SNTG1: variants seen among roughly 807,000 people sequenced by gnomAD.
The protein encoded by SNTG1 is gamma-1-syntrophin.
In SNTG1, 39 loss-of-function variants were observed where a neutral mutation model predicts 74.7. That is an observed-to-expected ratio of 0.52 (90% CI 0.40 to 0.68). The LOEUF is 0.68. Ranked by LOEUF, SNTG1 falls within the 30% of genes least tolerant of loss-of-function variation. SNTG1 has a pLI of 0.00. For synonymous variants in SNTG1, 254 were observed against 217.1 expected (o/e 1.17, Z -1.49); for missense variants, 685 against 609.5 (o/e 1.12, Z -1.30).
At chr8:50,141,221 T>A (rs1292535771) in intron 1 of SNTG1, among the ~76,000 whole-genome samples, 1 of 152,202 alleles carries the variant, frequency 6.6e-6, no homozygotes, top group East Asian at 1.9e-4. Flanking sequence ...GATTGCCAGA[T>A]CAGATAGTAA....
chr8:50,755,479 T>A (rs1404794241), intron 18 of SNTG1, among the ~76,000 whole-genome samples: 2 of 151,894 alleles, frequency 1.3e-5, no homozygotes, highest in African/African-American at 4.8e-5. Flanking sequence ...TTTCTGAATG[T>A]ACAACAGTTT....
Position 50,764,711 on chromosome 8 carries a change from A to G in SNTG1, c.1395+12600A>G, listed in dbSNP as rs145452793. Among the ~76,000 whole-genome samples the G allele has an allele frequency of 3.8e-3, 584 of 152,086 alleles. 3 individuals are homozygous for G. The highest frequency in any genetic ancestry group is 0.013 in the African/African-American group (543 of 41,534). ...TATACAAGCCACGTTGTAAACTGTGAAGAGCTTTCTCTAAAAACTGAAATA... is the reference window on the plus strand; with the variant it reads ...TATACAAGCCACGTTGTAAACTGTGGAGAGCTTTCTCTAAAAACTGAAATA... On this transcript the variant is annotated intron_variant, in intron 18 of 18. Transcript: ENST00000642720.
At chr8:50,218,918 A>T (rs1008517548) in intron 2 of SNTG1, among the ~76,000 whole-genome samples, 1 of 152,214 alleles carries the variant, frequency 6.6e-6, no homozygotes, top group South Asian at 2.1e-4. Flanking sequence ...AGCCTCCTTG[A>T]TCCTCCATAG....
Position 50,795,693 on chromosome 8 carries a change from T to C in SNTG1, c.*2864T>C, listed in dbSNP as rs187244624. 21 of 152,212 alleles carry C rather than the reference T, an allele frequency of 1.4e-4. No individual in the cohort carries two copies. The highest frequency in any genetic ancestry group is 5.1e-4 in the African/African-American group (21 of 41,568). 9.4% of individuals were successfully genotyped at this position (152,212 alleles called of 1,614,324 possible). ...TCAGAGAATGAAGTTCAAAGTCATT[T>C]GAAAACTGCTAACTACTATAATAAT... On this transcript the variant is annotated 3_prime_UTR_variant, in exon 19 of 19. Coordinates refer to ENST00000642720, the MANE Select transcript of SNTG1 (RefSeq NM_018967.5).
chr8:50,739,356 C>CA (rs1159338219), intron 17 of SNTG1, among the ~76,000 whole-genome samples: 1 of 152,050 alleles, frequency 6.6e-6, no homozygotes, highest in Non-Finnish European at 1.5e-5. Context: ...ATCAAAACCA[C>CA]AATGAGACAC....
At chr8:50,646,605 G>T (rs1274019754) in intron 13 of SNTG1, among the ~76,000 whole-genome samples, 1 of 152,074 alleles carries the variant, frequency 6.6e-6, no homozygotes, top group Non-Finnish European at 1.5e-5. Flanking sequence ...AGGTTATGTT[G>T]ATTCCTTCTT....
At chr8:49,970,459 C>T (rs902525829) in intron 1 of SNTG1, among the ~76,000 whole-genome samples, 6 of 152,202 alleles carry the variant, frequency 3.9e-5, no homozygotes, top group African/African-American at 1.2e-4. Context: ...GTGAACAGTG[C>T]TTCTCTTCCA....
intron 2 of SNTG1, among the ~76,000 whole-genome samples, chr8:50,303,326 G>A (rs547579554): frequency 1.3e-5 from 2 of 152,034 alleles, no homozygotes; most frequent in East Asian, 3.9e-4. Flanking sequence ...TATGATTTTA[G>A]AATGTCCTCA....
At chr8:50,016,966 AG>A (rs1251548987) in intron 1 of SNTG1, among the ~76,000 whole-genome samples, 1 of 152,088 alleles carries the variant, frequency 6.6e-6, no homozygotes, top group Non-Finnish European at 1.5e-5. Context: ...GTGGCAGAAA[AG>A]GGCTGTCAAC....
chr8:49,999,992 A>G (rs1289795650), intron 1 of SNTG1, among the ~76,000 whole-genome samples: 2 of 152,146 alleles, frequency 1.3e-5, no homozygotes, highest in Non-Finnish European at 2.9e-5. Flanking sequence ...GAATAATTGT[A>G]TCTGGTATTG....
intron 4 of SNTG1, among the ~76,000 whole-genome samples, chr8:50,413,561 A>C (rs1563352979): frequency 6.6e-6 from 1 of 152,162 alleles, no homozygotes; most frequent in Non-Finnish European, 1.5e-5. Flanking sequence ...ATCTATCTGA[A>C]GATGTATTTT....
At chr8:50,627,665 C>G (rs190837641) in intron 13 of SNTG1, among the ~76,000 whole-genome samples, 1 of 152,196 alleles carries the variant, frequency 6.6e-6, no homozygotes, top group Non-Finnish European at 1.5e-5. Context: ...GATTAATTTG[C>G]TAGAGCAGCT....
At chr8:50,484,195 T>TCCTG (rs2093768844) in intron 8 of SNTG1, among the ~76,000 whole-genome samples, 1 of 131,248 alleles carries the variant, frequency 7.6e-6, no homozygotes, top group Admixed American at 8.3e-5. Flanking sequence ...CTTCCTTCCT[T>TCCTG]CCTTCCTTCC....
At chr8:50,692,897 A>G (rs1337697431) in intron 15 of SNTG1, among the ~76,000 whole-genome samples, 1 of 152,190 alleles carries the variant, frequency 6.6e-6, no homozygotes, top group East Asian at 1.9e-4. Context: ...GGTAGGCTCC[A>G]CCCAGTTCCA....
At chr8:50,791,549 G>C (rs2095690650) in intron 18 of SNTG1, among the ~76,000 whole-genome samples, 1 of 151,736 alleles carries the variant, frequency 6.6e-6, no homozygotes, top group East Asian at 1.9e-4. Flanking sequence ...TAGCTGTCTG[G>C]TACACGACAG....
chr8:50,216,022 C>T (rs1008331057), intron 2 of SNTG1, among the ~76,000 whole-genome samples: 1 of 152,120 alleles, frequency 6.6e-6, no homozygotes, highest in Non-Finnish European at 1.5e-5. Flanking sequence ...GTGTCTATCT[C>T]ACTCAGGAGC....
chr8:50,428,233 C>G (rs1401199760), intron 4 of SNTG1, among the ~76,000 whole-genome samples: 2 of 152,056 alleles, frequency 1.3e-5, no homozygotes, highest in Non-Finnish European at 2.9e-5. Context: ...TCTCTTTAGC[C>G]CAAGAATTCA....
chr8:49,947,868 T>C (rs1809345739), intron 1 of SNTG1, among the ~76,000 whole-genome samples: 1 of 152,146 alleles, frequency 6.6e-6, no homozygotes, highest in African/African-American at 2.4e-5. Flanking sequence ...CGGTGGCTCA[T>C]GCCTATAATC....
intron 2 of SNTG1, among the ~76,000 whole-genome samples, chr8:50,382,885 A>T (rs2092512680): frequency 6.6e-6 from 1 of 152,180 alleles, no homozygotes; most frequent in South Asian, 2.1e-4. Flanking sequence ...GCAGAATGGA[A>T]ACTCTTGGGC....
Sources: gnomAD v4.1 joint callset for allele counts (sites outside exome capture counted in the v4.1 genomes callset) on GRCh38, gnomAD v4.1.1 for gene constraint, MANE v1.5 for transcripts, NCBI Gene and HGNC (gene_info 2026-07-23, HGNC 2026-07-21) for gene names.